The following HS6ST3 variants were observed in gnomAD, a reference collection of about 807,000 sequenced individuals.
The protein encoded by HS6ST3 is heparan sulfate 6-O-sulfotransferase 3, also known as heparan-sulfate 6-O-sulfotransferase 3.
In HS6ST3, 12 loss-of-function variants were observed where a neutral mutation model predicts 36.7. The observed-to-expected ratio is 0.33, with a 90% confidence interval of 0.21 to 0.53. The LOEUF (loss-of-function observed/expected upper bound fraction) is 0.53, where lower values mean the gene tolerates loss of function less well. Among genes scored for constraint, HS6ST3 ranks in the 20% least tolerant of loss-of-function variants. The probability of loss-of-function intolerance (pLI) is 0.95; values close to 1 mark genes in which losing one functional copy is unlikely to be tolerated. For synonymous variants in HS6ST3, 240 were observed against 257.5 expected, an observed-to-expected ratio of 0.93 and a Z score of 0.65; for missense variants, 584 against 640.9, an observed-to-expected ratio of 0.91 and a Z score of 0.96.
chr13:96,426,004 G>T (rs1212512051), intron 1 of HS6ST3, among the ~76,000 whole-genome samples: 4 of 151,430 alleles, frequency 2.6e-5, no homozygotes, highest in Non-Finnish European at 5.9e-5. Context: ...AGTGCCCCCC[G>T]AGAACCCCCA....
intron 1 of HS6ST3, among the ~76,000 whole-genome samples, chr13:96,431,157 T>G (rs2055613113): frequency 6.6e-6 from 1 of 152,010 alleles, no homozygotes; most frequent in Non-Finnish European, 1.5e-5. Context: ...TGAGCCGAGA[T>G]TGCTCCACTG....
At chr13:96,173,693 A>G (rs964831214) in intron 1 of HS6ST3, among the ~76,000 whole-genome samples, 2 of 150,098 alleles carry the variant, frequency 1.3e-5, no homozygotes, top group African/African-American at 2.5e-5. Context: ...AAAAAAAAAA[A>G]TGGAGTCCAG....
chr13:96,787,210 CA>C (rs1299840743), intron 1 of HS6ST3, among the ~76,000 whole-genome samples: 1 of 152,090 alleles, frequency 6.6e-6, no homozygotes, highest in African/African-American at 2.4e-5. Context: ...TCAGTGTGAA[CA>C]TAAGTTTTCA....
intron 1 of HS6ST3, among the ~76,000 whole-genome samples, chr13:96,740,146 T>G (rs1292681073): frequency 1.3e-5 from 2 of 152,190 alleles, no homozygotes; most frequent in Non-Finnish European, 2.9e-5. Flanking sequence ...ATTTATCTTA[T>G]TCATTGCCTG....
intron 1 of HS6ST3, among the ~76,000 whole-genome samples, chr13:96,154,615 T>G (rs1046477585): frequency 6.6e-6 from 1 of 151,956 alleles, no homozygotes. Flanking sequence ...AAAAGAAGCT[T>G]TAATAGATGA....
intron 1 of HS6ST3, among the ~76,000 whole-genome samples, chr13:96,429,815 A>T (rs972904412): frequency 6.6e-6 from 1 of 152,210 alleles, no homozygotes; most frequent in Non-Finnish European, 1.5e-5. Flanking sequence ...TGTTGTCAGA[A>T]TAATGCAGGC....
At chr13:96,191,981 A>T (rs150662879) in intron 1 of HS6ST3, among the ~76,000 whole-genome samples, 33 of 152,286 alleles carry the variant, frequency 2.2e-4, no homozygotes, top group African/African-American at 7.5e-4. Flanking sequence ...AGTGCAGTGG[A>T]GAGAACATTG....
chr13:96,514,025 C>T (rs2056061585), intron 1 of HS6ST3, among the ~76,000 whole-genome samples: 1 of 151,930 alleles, frequency 6.6e-6, no homozygotes, highest in South Asian at 2.1e-4. Flanking sequence ...TGGGCAGGAG[C>T]CTGACCGTGA....
chr13:96,737,756 A>G (rs552149688), intron 1 of HS6ST3, among the ~76,000 whole-genome samples: 1 of 152,014 alleles, frequency 6.6e-6, no homozygotes, highest in African/African-American at 2.4e-5. Flanking sequence ...AAGAAGGTTT[A>G]TATGTTATTT....
intron 1 of HS6ST3, among the ~76,000 whole-genome samples, chr13:96,309,981 A>C (rs945108331): frequency 6.6e-6 from 1 of 152,182 alleles, no homozygotes; most frequent in African/African-American, 2.4e-5. Context: ...AAATACATTT[A>C]TAAATGCATA....
intron 1 of HS6ST3, among the ~76,000 whole-genome samples, chr13:96,245,047 C>G (rs1284365815): frequency 6.6e-6 from 1 of 152,168 alleles, no homozygotes; most frequent in African/African-American, 2.4e-5. Context: ...TCGTAGCCTA[C>G]TTGGTTGAAT....
chr13:96,213,666 G>C (rs533929185), intron 1 of HS6ST3, among the ~76,000 whole-genome samples: 119 of 152,172 alleles, frequency 7.8e-4, no homozygotes, highest in African/African-American at 2.7e-3. Flanking sequence ...CTTTATAAAA[G>C]GAGAGAAAAC....
intron 1 of HS6ST3, among the ~76,000 whole-genome samples, chr13:96,658,080 A>G (rs2056631863): frequency 6.6e-6 from 1 of 151,994 alleles, no homozygotes; most frequent in Admixed American, 6.6e-5. Context: ...AATTTTGCCT[A>G]TTCTTAACGT....
At chr13:96,208,695 T>C (rs886100602) in intron 1 of HS6ST3, among the ~76,000 whole-genome samples, 3 of 152,232 alleles carry the variant, frequency 2.0e-5, no homozygotes, top group Non-Finnish European at 4.4e-5. Flanking sequence ...ATTTGATGGT[T>C]TATCCGAAAC....
At chr13:96,161,642 A>T (rs145096528) in intron 1 of HS6ST3, among the ~76,000 whole-genome samples, 2 of 152,332 alleles carry the variant, frequency 1.3e-5, no homozygotes, top group East Asian at 3.9e-4. Flanking sequence ...GTTCAAGATT[A>T]GTGAAGAAAG....
At position 96,090,260 on chromosome 13, in the gene HS6ST3, C is replaced by T. The variant is rs968033570; in HGVS notation, c.-603C>T. 5.3e-5 allele frequency among the ~76,000 whole-genome samples: 8 copies of T among 151,526 alleles called. No homozygotes were observed. The highest frequency in any genetic ancestry group is 1.9e-4 in the African/African-American group (8 of 41,356). The stretch of plus-strand genomic sequence containing the variant: ...CCCGCTGCCGCTGCGCTGCGGGGGC[C>T]GCTCTGCAAACTTGCGGCGAGCGCC... On this transcript the variant is annotated 5_prime_UTR_variant, in exon 1 of 2. Transcript: ENST00000376705.
chr13:96,646,172 T>C lies in HS6ST3; in HGVS notation c.708-186318T>C, dbSNP rs1425562507. On this transcript the variant is annotated intron_variant, in intron 1 of 1. Transcript: ENST00000376705. Reference sequence around the variant, plus strand: ...TGCATTGTGATTATGAACTGCTGAATTGGCGTTTGCGGTGACAAGAGTCTC... The same window carrying C: ...TGCATTGTGATTATGAACTGCTGAACTGGCGTTTGCGGTGACAAGAGTCTC... Among the ~76,000 whole-genome samples, 6 of 152,004 alleles carry C rather than the reference T, an allele frequency of 3.9e-5. No homozygotes were observed. The East Asian group carries it at 1.2e-3, about 29-fold the overall frequency.
At chr13:96,273,990 C>G (rs1411190607) in intron 1 of HS6ST3, among the ~76,000 whole-genome samples, 7 of 137,362 alleles carry the variant, frequency 5.1e-5, no homozygotes, top group Non-Finnish European at 1.1e-4. Context: ...CCTCCTCCCC[C>G]CTCCCTTCTC....
chr13:96,094,244 A>T (rs1251697191), intron 1 of HS6ST3, among the ~76,000 whole-genome samples: 1 of 152,206 alleles, frequency 6.6e-6, no homozygotes, highest in Non-Finnish European at 1.5e-5. Context: ...GAATCAATGC[A>T]TGCAAAATGC....
Sources: allele counts gnomAD v4.1 joint callset (sites outside exome capture counted in the v4.1 genomes callset), GRCh38; gene constraint gnomAD v4.1.1; transcripts MANE v1.5; gene names NCBI Gene and HGNC (gene_info 2026-07-23, HGNC 2026-07-21).